Variants in MTFP1 observed in about 807,000 individuals in gnomAD.
The protein encoded by MTFP1 is mitochondrial fission process protein 1.
MTFP1 carries 19 observed loss-of-function variants against 17.1 expected under a neutral mutation model. The ratio of observed to expected loss-of-function variants is 1.11; its 90% CI spans 0.77 to 1.63. The LOEUF (loss-of-function observed/expected upper bound fraction) is 1.63. MTFP1 is among the 40% of genes most tolerant of loss of function. MTFP1 has a pLI of 0.00. For missense variants in MTFP1, 221 were observed against 226.2 expected (o/e 0.98, Z 0.15); for synonymous variants, 89 against 95.2 (o/e 0.93, Z 0.38).
chr22:30,426,639 T>C (rs1371998255), intron 1 of MTFP1, 78 bp from the exon 2 acceptor site: 1 of 1,571,482 alleles, frequency 6.4e-7, no homozygotes, highest in East Asian at 2.3e-5. Context: ...CTTAGCTGGC[T>C]AGGATGAGAA....
chr22:30,428,747 T>C lies in MTFP1; in HGVS notation c.*213T>C. The stretch of plus-strand genomic sequence containing the variant: ...AGGACCTGAACGCTGTCTGCTTCCC[T>C]GGAATCCAAGATGCTGAGTGGAAGT... On this transcript the variant is annotated 3_prime_UTR_variant, in exon 4 of 4. Coordinates refer to ENST00000266263, the MANE Select transcript of MTFP1 (RefSeq NM_016498.5). 1 of 1,455,306 alleles carries C rather than the reference T, an allele frequency of 6.9e-7. No homozygotes were observed. Among genetic ancestry groups the C allele is most frequent in the Non-Finnish European group, 9.6e-7 (1 of 1,043,332 alleles). 90.1% of individuals were successfully genotyped at this position (1,455,306 alleles called of 1,614,324 possible). A position where few individuals can be genotyped will look rare whatever the true frequency, so the allele number is the denominator to read the frequency against.
chr22:30,428,558 G>T lies in MTFP1; in HGVS notation c.*24G>T. ...GATCATACTCTGGTACCTGGCCTGTGCATCGGCCTCCTGCTTCATGTCAAC... is the reference window on the plus strand; with the variant it reads ...GATCATACTCTGGTACCTGGCCTGTTCATCGGCCTCCTGCTTCATGTCAAC... On this transcript the variant is annotated 3_prime_UTR_variant, in exon 4 of 4. Coordinates refer to ENST00000266263, the MANE Select transcript of MTFP1 (RefSeq NM_016498.5). 6.2e-7 allele frequency: 1 copy of T among 1,614,180 alleles called. No individual in the cohort carries two copies. The highest frequency in any genetic ancestry group is 8.5e-7 in the Non-Finnish European group (1 of 1,180,026).
At chr22:30,427,804 T>C (rs1458125476) in intron 3 of MTFP1, among the ~76,000 whole-genome samples, 3 of 152,198 alleles carry the variant, frequency 2.0e-5, no homozygotes, top group African/African-American at 7.2e-5. Context: ...TCCAGGGCTG[T>C]GTTGCATTCA....
chr22:30,428,379 CT>C lies in MTFP1; in HGVS notation c.429-80del, dbSNP rs1319353076. 7.9e-6 allele frequency: 10 copies of C among 1,257,922 alleles called. No homozygotes were observed. The African/African-American group carries it at 8.9e-5, about 11-fold the overall frequency. 77.9% of individuals were successfully genotyped at this position (1,257,922 alleles called of 1,614,324 possible). ...ATTTGTATCCTGCATCTAAGCGCCC[CT>C]TTCCCTAACCCTGGCCTTCTGCCTT... On this transcript the variant is annotated intron_variant, in intron 3 of 3. Coordinates refer to ENST00000266263, the MANE Select transcript of MTFP1 (RefSeq NM_016498.5).
rs564712582 is a variant in MTFP1, at chr22:30,427,489, G to C, written c.428+86G>C. 3 of 1,411,170 alleles carry C rather than the reference G, an allele frequency of 2.1e-6. No homozygotes were observed. In the African/African-American group the frequency reaches 4.2e-5, roughly 20 times the overall value. 87.4% of individuals were successfully genotyped at this position (1,411,170 alleles called of 1,614,324 possible). A position where few individuals can be genotyped will look rare whatever the true frequency, so the allele number is the denominator to read the frequency against. ...GTCTCCAGGTAGAGCTAGACTCTGTGAAGTGTGGGGTATGCCCACTTTGCT... is the reference window on the plus strand; with the variant it reads ...GTCTCCAGGTAGAGCTAGACTCTGTCAAGTGTGGGGTATGCCCACTTTGCT... On this transcript the variant is annotated intron_variant, in intron 3 of 3. Transcript: ENST00000266263.
Position 30,427,421 on chromosome 22 carries a change from C to T in MTFP1, c.428+18C>T. 2 of 1,605,134 alleles carry T rather than the reference C, an allele frequency of 1.2e-6. No homozygotes were observed. Among genetic ancestry groups the T allele is most frequent in the Non-Finnish European group, 8.5e-7 (1 of 1,172,086 alleles). On this transcript the variant is annotated intron_variant, in intron 3 of 3. Coordinates refer to ENST00000266263, the MANE Select transcript of MTFP1 (RefSeq NM_016498.5). ...ATTGACAGGTGGGTACCTTCTTGGC[C>T]TCAGGGATCATCCACTCTCCAGTGA...
At position 30,428,699 on chromosome 22, in the gene MTFP1, G is replaced by A; in HGVS notation, c.*165G>A. The A allele has an allele frequency of 6.2e-7, 1 of 1,605,040 alleles. No individual in the cohort carries two copies. The stretch of plus-strand genomic sequence containing the variant: ...GAGACAAAGGCTTCAAGAAGCAGTG[G>A]CTGCAGGGAGTCACAGAAGGGCAGG... On this transcript the variant is annotated 3_prime_UTR_variant, in exon 4 of 4. Transcript: ENST00000266263.
At position 30,428,753 on chromosome 22, in the gene MTFP1, C is replaced by T. The variant is rs1436466787; in HGVS notation, c.*219C>T. Reference sequence around the variant, plus strand: ...TGAACGCTGTCTGCTTCCCTGGAATCCAAGATGCTGAGTGGAAGTGGACCC... The same window carrying T: ...TGAACGCTGTCTGCTTCCCTGGAATTCAAGATGCTGAGTGGAAGTGGACCC... On this transcript the variant is annotated 3_prime_UTR_variant, in exon 4 of 4. Coordinates refer to ENST00000266263, the MANE Select transcript of MTFP1 (RefSeq NM_016498.5). 1 of 1,411,620 alleles carries T rather than the reference C, an allele frequency of 7.1e-7. No individual in the cohort carries two copies. Among genetic ancestry groups the T allele is most frequent in the African/African-American group, 1.4e-5 (1 of 70,410 alleles). 87.4% of individuals were successfully genotyped at this position (1,411,620 alleles called of 1,614,324 possible).
chr22:30,428,489 C>A lies in MTFP1; in HGVS notation c.456C>A (p.Ser152Arg). The change falls in exon 4 of 4, where the codon AGC becomes AGA. Residue 152 changes from serine (S) to arginine (R), a missense_variant. Coordinates refer to ENST00000266263, the MANE Select transcript of MTFP1 (RefSeq NM_016498.5). Reference sequence around the variant, plus strand: ...CGGTGGATTTCCTCCTGGACTCCAGCCTGCGCAAGCTCTACCCAACAGTGG... The same window carrying A: ...CGGTGGATTTCCTCCTGGACTCCAGACTGCGCAAGCTCTACCCAACAGTGG... ...DRSVDFLLDS[S>R]LRKLYPTVGK... 1 of 1,614,162 alleles carries A rather than the reference C, an allele frequency of 6.2e-7. No individual in the cohort carries two copies. The highest frequency in any genetic ancestry group is 8.5e-7 in the Non-Finnish European group (1 of 1,180,006).
Position 30,425,966 on chromosome 22 carries a change from C to A in MTFP1, c.67+20C>A, listed in dbSNP as rs753047078. On this transcript the variant is annotated intron_variant, in intron 1 of 3. Coordinates refer to ENST00000266263, the MANE Select transcript of MTFP1 (RefSeq NM_016498.5). Reference sequence around the variant, plus strand: ...ACCTGGGTGAGCGCGGGGCGACGGGCGCGGCGACCCCACCACCACTGGGCT... The same window carrying A: ...ACCTGGGTGAGCGCGGGGCGACGGGAGCGGCGACCCCACCACCACTGGGCT... The A allele has an allele frequency of 2.3e-5, 34 of 1,495,316 alleles. No individual in the cohort carries two copies. Among genetic ancestry groups the A allele is most frequent in the Non-Finnish European group, 3.0e-5 (34 of 1,123,170 alleles). The allele number at this position is 1,495,316 out of a possible 1,614,324, so 92.6% of individuals were successfully genotyped here.
In MTFP1 at chr22:30,426,729, A is replaced by G. The variant is rs1470851646; in HGVS notation, c.80A>G (p.Glu27Gly). ...TTCCCTCCCCCAGGCTATGCCAATG[A>G]GGTGGGCGAGGCTTTCCGCTCTCTT... ...TWVRYLGYAN[E>G]VGEAFRSLVP... The change falls in exon 2 of 4, where the codon GAG becomes GGG. Residue 27 changes from glutamate (E) to glycine (G), a missense_variant. Transcript: ENST00000266263. The G allele has an allele frequency of 6.2e-7, 1 of 1,613,902 alleles. No individual in the cohort carries two copies. The highest frequency in any genetic ancestry group is 8.5e-7 in the Non-Finnish European group (1 of 1,179,974).
At chr22:30,426,573 T>A (rs1439492800) in intron 1 of MTFP1, 144 bp from the exon 2 acceptor site, 2 of 1,119,150 alleles carry the variant, frequency 1.8e-6, no homozygotes, top group Admixed American at 2.5e-5. Context: ...AGTTTACATC[T>A]CGGAAAGGGA....
chr22:30,428,811 A>C lies in MTFP1; in HGVS notation c.*277A>C. On this transcript the variant is annotated 3_prime_UTR_variant, in exon 4 of 4. Coordinates refer to ENST00000266263, the MANE Select transcript of MTFP1 (RefSeq NM_016498.5). ...GCCCGGCCCTGTCTTTTTCAGGAAA[A>C]TTACATCCTCCCATGGAGGATGAGA... The C allele has an allele frequency of 2.7e-6, 2 of 753,054 alleles. No individual in the cohort carries two copies. The highest frequency in any genetic ancestry group is 2.7e-5 in the East Asian group (1 of 37,192). 46.6% of individuals were successfully genotyped at this position (753,054 alleles called of 1,614,324 possible). A position where few individuals can be genotyped will look rare whatever the true frequency, so the allele number is the denominator to read the frequency against.
At position 30,428,927 on chromosome 22, in the gene MTFP1, A is replaced by C; in HGVS notation, c.*393A>C. Reference sequence around the variant, plus strand: ...CCCAGGTGCTTGACAGAGTCACCCCATGGTGGTATGGCTGAACAAGGAGCG... The same window carrying C: ...CCCAGGTGCTTGACAGAGTCACCCCCTGGTGGTATGGCTGAACAAGGAGCG... On this transcript the variant is annotated 3_prime_UTR_variant, in exon 4 of 4. Transcript: ENST00000266263. The C allele has an allele frequency of 9.7e-6, 5 of 513,686 alleles. No homozygotes were observed. The highest frequency in any genetic ancestry group is 3.6e-5 in the East Asian group (1 of 28,016). The allele number at this position is 513,686 out of a possible 1,614,324, so 31.8% of individuals were successfully genotyped here.
In MTFP1 at chr22:30,427,094, C is replaced by T. The variant is rs552781053; in HGVS notation, c.196-77C>T. ...AAGTCCACTGGCCACTTGCCCCTCC[C>T]GGTCTAGCCTCGTGCCCCTTGTCGC... On this transcript the variant is annotated intron_variant, in intron 2 of 3. Coordinates refer to ENST00000266263, the MANE Select transcript of MTFP1 (RefSeq NM_016498.5). The T allele has an allele frequency of 3.6e-5, 55 of 1,521,780 alleles. No homozygotes were observed. In the East Asian group the frequency reaches 5.6e-4, roughly 16 times the overall value. The allele number at this position is 1,521,780 out of a possible 1,614,324, so 94.3% of individuals were successfully genotyped here.
At position 30,425,840 on chromosome 22, in the gene MTFP1, C is replaced by T. The variant is rs1934656450; in HGVS notation, c.-40C>T. 6.6e-7 allele frequency: 1 copy of T among 1,520,638 alleles called. No homozygotes were observed. The highest frequency in any genetic ancestry group is 8.8e-7 in the Non-Finnish European group (1 of 1,135,716). 94.2% of individuals were successfully genotyped at this position (1,520,638 alleles called of 1,614,324 possible). A position where few individuals can be genotyped will look rare whatever the true frequency, so the allele number is the denominator to read the frequency against. ...CCGGCGGCGGAGACTGCAGTGGAGCCAGTACCGGCTGTAGTGGCCGGGGCC... is the reference window on the plus strand; with the variant it reads ...CCGGCGGCGGAGACTGCAGTGGAGCTAGTACCGGCTGTAGTGGCCGGGGCC... On this transcript the variant is annotated 5_prime_UTR_variant, in exon 1 of 4. Transcript: ENST00000266263.
intron 1 of MTFP1, 54 bp from the exon 2 acceptor site, chr22:30,426,663 A>C: frequency 1.9e-6 from 3 of 1,604,396 alleles, no homozygotes; most frequent in Non-Finnish European, 1.7e-6. Flanking sequence ...GCCTGCTCCA[A>C]CGCCCCCTCG....
chr22:30,425,950 A>C lies in MTFP1; in HGVS notation c.67+4A>C. The C allele has an allele frequency of 6.6e-7, 1 of 1,509,456 alleles. No homozygotes were observed. The highest frequency in any genetic ancestry group is 2.6e-5 in the East Asian group (1 of 37,914). The allele number at this position is 1,509,456 out of a possible 1,614,324, so 93.5% of individuals were successfully genotyped here. A position where few individuals can be genotyped will look rare whatever the true frequency, so the allele number is the denominator to read the frequency against. Reference sequence around the variant, plus strand: ...GACACGTGGGTGCGATACCTGGGTGAGCGCGGGGCGACGGGCGCGGCGACC... The same window carrying C: ...GACACGTGGGTGCGATACCTGGGTGCGCGCGGGGCGACGGGCGCGGCGACC... On this transcript the variant is annotated splice_donor_region_variant and intron_variant, in intron 1 of 3. Transcript: ENST00000266263.
chr22:30,428,168 G>A (rs1934704167), intron 3 of MTFP1, among the ~76,000 whole-genome samples: 1 of 152,202 alleles, frequency 6.6e-6, no homozygotes. Context: ...GTAAGAGTGA[G>A]AGGAGCAGTC....
Sources: allele counts gnomAD v4.1 joint callset (sites outside exome capture counted in the v4.1 genomes callset), GRCh38; gene constraint gnomAD v4.1.1; transcripts MANE v1.5; gene names NCBI Gene and HGNC (gene_info 2026-07-23, HGNC 2026-07-21).